Variants in PDE4D observed in about 807,000 individuals in gnomAD.
The protein encoded by PDE4D is phosphodiesterase 4D, also known as 3',5'-cyclic-AMP phosphodiesterase 4D.
PDE4D carries 24 observed loss-of-function variants against 87.4 expected under a neutral mutation model. That is an observed-to-expected ratio of 0.27 (90% CI 0.20 to 0.39). PDE4D has a LOEUF of 0.39. Among genes scored for constraint, PDE4D ranks in the 10% least tolerant of loss-of-function variants. The pLI is 1.00. For missense variants in PDE4D, 714 were observed against 1,041.0 expected, an observed-to-expected ratio of 0.69 and a Z score of 4.32; for synonymous variants, 384 against 383.2, an observed-to-expected ratio of 1.00 and a Z score of -0.02.
chr5:59,880,091 G>A (rs181896294), intron 1 of PDE4D, among the ~76,000 whole-genome samples: 1 of 151,888 alleles, frequency 6.6e-6, no homozygotes. Flanking sequence ...TACTTTATGG[G>A]TTCAAACATT....
chr5:60,376,051 A>G (rs534836862), intron 1 of PDE4D, among the ~76,000 whole-genome samples: 1 of 152,302 alleles, frequency 6.6e-6, no homozygotes, highest in South Asian at 2.1e-4. Flanking sequence ...ATACGTATAT[A>G]TATCTCCTGA....
At chr5:60,212,441 C>T (rs1346252908) in intron 1 of PDE4D, among the ~76,000 whole-genome samples, 2 of 152,192 alleles carry the variant, frequency 1.3e-5, no homozygotes, top group Non-Finnish European at 2.9e-5. Flanking sequence ...CAGTGAAAGG[C>T]ACCTGACCTA....
intron 3 of PDE4D, among the ~76,000 whole-genome samples, chr5:59,978,861 C>T (rs185201023): frequency 6.6e-6 from 1 of 152,290 alleles, no homozygotes; most frequent in East Asian, 1.9e-4. Flanking sequence ...TGAGGCAAGA[C>T]TCTCCACCAG....
At chr5:60,464,421 A>G (rs947108715) in intron 1 of PDE4D, among the ~76,000 whole-genome samples, 2 of 152,224 alleles carry the variant, frequency 1.3e-5, no homozygotes, top group African/African-American at 2.4e-5. Context: ...GATTATGAGA[A>G]TCCAGTCATC....
intron 1 of PDE4D, among the ~76,000 whole-genome samples, chr5:59,601,554 T>C (rs980179949): frequency 6.6e-6 from 1 of 152,104 alleles, no homozygotes; most frequent in Admixed American, 6.6e-5. Context: ...CACATTTAGG[T>C]ATATTCAAAT....
At position 60,204,868 on chromosome 5, in the gene PDE4D, TC is replaced by T. The variant is rs539470672; in HGVS notation, c.-89-19182del. On this transcript the variant is annotated intron_variant, in intron 1 of 16. Transcript: ENST00000502484. ...TCCACCTTACTGGGACTCAGTTTAC[TC>T]CCCCATAAGGTGGGGATGATAGCAG... is the stretch of plus-strand genomic sequence containing the variant. Among the ~76,000 whole-genome samples the T allele has an allele frequency of 2.3e-3, 348 of 152,260 alleles. 2 individuals carry two copies. The highest frequency in any genetic ancestry group is 3.9e-3 in the Non-Finnish European group (263 of 68,026).
At chr5:59,022,113 A>AC (rs1402584652) in intron 6 of PDE4D, among the ~76,000 whole-genome samples, 1 of 151,980 alleles carries the variant, frequency 6.6e-6, no homozygotes, top group Non-Finnish European at 1.5e-5. Flanking sequence ...AGTCAGCTCT[A>AC]CCCCTCCCTC....
chr5:59,771,760 T>A (rs1246823296), intron 1 of PDE4D, among the ~76,000 whole-genome samples: 2 of 152,210 alleles, frequency 1.3e-5, no homozygotes, highest in African/African-American at 4.8e-5. Context: ...ATAGTAGATA[T>A]AACAATATTC....
At chr5:59,308,733 C>T (rs1457146) in intron 1 of PDE4D, among the ~76,000 whole-genome samples, 99,941 of 151,778 alleles carry the variant, frequency 0.66, 34,012 homozygotes, top group African/African-American at 0.82. Flanking sequence ...TTTGTGCTGG[C>T]TGGTCTCCTG....
At chr5:59,073,540 A>G (rs1451927137) in intron 5 of PDE4D, among the ~76,000 whole-genome samples, 1 of 145,364 alleles carries the variant, frequency 6.9e-6, no homozygotes, top group Admixed American at 7.1e-5. Context: ...TGAGGAGGAG[A>G]TGGTAGGCTT....
chr5:60,395,641 G>C (rs1762837411), intron 1 of PDE4D, among the ~76,000 whole-genome samples: 1 of 151,984 alleles, frequency 6.6e-6, no homozygotes, highest in South Asian at 2.1e-4. Context: ...AGGAATTGCT[G>C]AGTTAGACTG....
chr5:59,823,102 A>T (rs1769897890), intron 1 of PDE4D, among the ~76,000 whole-genome samples: 1 of 152,210 alleles, frequency 6.6e-6, no homozygotes. Flanking sequence ...TTTCAAGATT[A>T]TCTGAAGCTT....
At chr5:59,586,296 T>C (rs1167331511) in intron 1 of PDE4D, 1 of 1,505,354 alleles carries the variant, frequency 6.6e-7, no homozygotes, top group Non-Finnish European at 9.2e-7. Flanking sequence ...TAATTCTGAG[T>C]TTTACAAACT....
intron 5 of PDE4D, among the ~76,000 whole-genome samples, chr5:59,158,268 C>T (rs1780535560): frequency 1.3e-5 from 2 of 152,174 alleles, no homozygotes; most frequent in South Asian, 4.1e-4. Context: ...ATCTCCAAGT[C>T]ACAGTATGCA....
intron 1 of PDE4D, among the ~76,000 whole-genome samples, chr5:59,425,407 G>A (rs944275880): frequency 3.3e-5 from 5 of 152,040 alleles, no homozygotes; most frequent in Admixed American, 6.6e-5. Flanking sequence ...GTGTATTATA[G>A]GAGATTTAAC....
chr5:59,204,255 T>C (rs1748232710), intron 2 of PDE4D, among the ~76,000 whole-genome samples: 1 of 151,924 alleles, frequency 6.6e-6, no homozygotes. Flanking sequence ...TGTGCTCATA[T>C]CACTTGTGGA....
intron 1 of PDE4D, among the ~76,000 whole-genome samples, chr5:60,401,831 A>C (rs1741116931): frequency 6.6e-6 from 1 of 152,236 alleles, no homozygotes; most frequent in African/African-American, 2.4e-5. Context: ...ATCAACAGAT[A>C]TGTCTAGCCC....
chr5:60,211,385 G>A (rs1356073757), intron 1 of PDE4D, among the ~76,000 whole-genome samples: 2 of 150,962 alleles, frequency 1.3e-5, no homozygotes, highest in Non-Finnish European at 2.9e-5. Flanking sequence ...GACGGGTCCA[G>A]ATCCCATTTC....
intron 1 of PDE4D, among the ~76,000 whole-genome samples, chr5:59,820,626 T>C (rs924407802): frequency 3.3e-5 from 5 of 152,162 alleles, no homozygotes; most frequent in African/African-American, 1.2e-4. Flanking sequence ...CAGTGGAAAA[T>C]ACTTTCCTTC....
Sources: gnomAD v4.1 joint callset for allele counts (sites outside exome capture counted in the v4.1 genomes callset) on GRCh38, gnomAD v4.1.1 for gene constraint, MANE v1.5 for transcripts, NCBI Gene and HGNC (gene_info 2026-07-23, HGNC 2026-07-21) for gene names.